Variants in ASAP2 observed in about 807,000 individuals in gnomAD.
ASAP2 encodes the protein arf-GAP with SH3 domain, ANK repeat and PH domain-containing protein 2.
Under a neutral mutation model 131.4 loss-of-function variants are expected in ASAP2, and 45 were observed. The ratio of observed to expected loss-of-function variants is 0.34; its 90% CI spans 0.27 to 0.44. The LOEUF is 0.44. Ranked by LOEUF, ASAP2 falls within the 20% of genes least tolerant of loss-of-function variation. The pLI is 1.00. For missense variants in ASAP2, 1,011 were observed against 1,297.0 expected, an observed-to-expected ratio of 0.78 and a Z score of 3.39; for synonymous variants, 510 against 503.0, an observed-to-expected ratio of 1.01 and a Z score of -0.19.
chr2:9,388,304 A>T lies in ASAP2; in HGVS notation c.2141A>T (p.Asn714Ile). 6.2e-7 allele frequency: 1 copy of T among 1,613,924 alleles called. No homozygotes were observed. The highest frequency in any genetic ancestry group is 8.5e-7 in the Non-Finnish European group (1 of 1,179,992). ...DMDEKLQPSP[N>I]RREDRPISFY... is the part of the protein sequence containing the mutation. Reference sequence around the variant, plus strand: ...AATGTTCTCCTGCAGCCCAGTCCCAACCGGCGGGAAGACCGGCCCATCAGC... The same window carrying T: ...AATGTTCTCCTGCAGCCCAGTCCCATCCGGCGGGAAGACCGGCCCATCAGC... The change falls in exon 22 of 28, where the codon AAC (asparagine) becomes ATC (isoleucine). Residue 714 changes from asparagine to isoleucine, a missense_variant. This residue lies in a region of ASAP2 where 652 missense variants were observed against 698.9 expected (regional missense o/e 0.93). Coordinates refer to ENST00000281419, the MANE Select transcript of ASAP2 (RefSeq NM_003887.3).
intron 15 of ASAP2, among the ~76,000 whole-genome samples, chr2:9,365,664 A>T (rs1195759622): frequency 1.3e-5 from 2 of 152,188 alleles, no homozygotes; most frequent in Non-Finnish European, 2.9e-5. Flanking sequence ...CCGTATGGTG[A>T]GTGCCAAGAA....
At chr2:9,315,699 G>A (rs1343225225) in intron 3 of ASAP2, among the ~76,000 whole-genome samples, 3 of 152,140 alleles carry the variant, frequency 2.0e-5, no homozygotes, top group Admixed American at 6.5e-5. Context: ...GCTTGCTGTC[G>A]TAGGTTACTC....
In ASAP2 at chr2:9,385,281, G is replaced by A. The variant is rs776163224; in HGVS notation, c.2053G>A (p.Val685Ile). The change falls in exon 21 of 28, where the codon GTT becomes ATT. Residue 685 changes from valine to isoleucine, a missense_variant. Val to Ile is a conservative substitution (Grantham distance 29, BLOSUM62 3). Coordinates refer to ENST00000281419, the MANE Select transcript of ASAP2 (RefSeq NM_003887.3). ...CTTATCTGGAAGATTTAATTCTCAC[G>A]TTCACGTTGAATATGAATGGCGACT... ...QALSGRFNSHVHVEYEWRLLH... is the reference protein window; with the variant it reads ...QALSGRFNSHIHVEYEWRLLH... The A allele has an allele frequency of 8.1e-6, 13 of 1,614,020 alleles. No homozygotes were observed. The highest frequency in any genetic ancestry group is 2.2e-5 in the South Asian group (2 of 91,086).
chr2:9,298,374 T>C lies in ASAP2; in HGVS notation c.345+929T>C, dbSNP rs911167818. Among the ~76,000 whole-genome samples the C allele has an allele frequency of 3.9e-5, 6 of 152,214 alleles. No individual in the cohort carries two copies. The South Asian group carries it at 1.0e-3, about 26-fold the overall frequency. On this transcript the variant is annotated intron_variant, in intron 3 of 27. Transcript: ENST00000281419. ...GGGAGCATCACATGTGAGTTCCTAA[T>C]GGGAAGGGGAAGAGCAGGAGCACTC... is the stretch of plus-strand genomic sequence containing the variant.
intron 3 of ASAP2, among the ~76,000 whole-genome samples, chr2:9,317,370 C>T (rs987312005): frequency 2.8e-5 from 4 of 143,372 alleles, no homozygotes; most frequent in Non-Finnish European, 6.2e-5. Flanking sequence ...TTCACATTCA[C>T]CCCCAACTCA....
intron 24 of ASAP2, 127 bp from the exon 25 acceptor site, chr2:9,399,896 G>C: frequency 1.1e-6 from 1 of 887,464 alleles, no homozygotes. Context: ...AGACAGCTAA[G>C]TGACAGTGGA....
In ASAP2 at chr2:9,311,948, G is replaced by A. The variant is rs1335431947; in HGVS notation, c.346-6576G>A. ...CAAGCAGGCTGATGTCCAGGAGTCT[G>A]GAAGCTTTATTAGTGAAGCCATCGA... is the stretch of plus-strand genomic sequence containing the variant. On this transcript the variant is annotated intron_variant, in intron 3 of 27. Coordinates refer to ENST00000281419, the MANE Select transcript of ASAP2 (RefSeq NM_003887.3). The surrounding 1 kb of genome is among the most constrained non-coding windows in gnomAD (Gnocchi z 5.2). Among the ~76,000 whole-genome samples the A allele has an allele frequency of 6.6e-6, 1 of 152,216 alleles. No homozygotes were observed. The highest frequency in any genetic ancestry group is 1.9e-4 in the East Asian group (1 of 5,204).
intron 16 of ASAP2, among the ~76,000 whole-genome samples, chr2:9,371,514 C>T (rs574324901): frequency 6.6e-6 from 1 of 152,318 alleles, no homozygotes; most frequent in South Asian, 2.1e-4. Context: ...AAAAGGAATA[C>T]ACTGCTTCTA....
intron 15 of ASAP2, among the ~76,000 whole-genome samples, chr2:9,366,516 A>G (rs1434865343): frequency 6.6e-6 from 1 of 152,174 alleles, no homozygotes; most frequent in African/African-American, 2.4e-5. Flanking sequence ...TCAGTCCTGG[A>G]TCTGACACCA....
intron 12 of ASAP2, among the ~76,000 whole-genome samples, chr2:9,351,562 C>T (rs1416548234): frequency 6.6e-6 from 1 of 152,128 alleles, no homozygotes; most frequent in Non-Finnish European, 1.5e-5. Context: ...GGGCCAGTCT[C>T]CCCTTTGAAG....
chr2:9,245,520 A>G (rs1212294021), intron 1 of ASAP2, among the ~76,000 whole-genome samples: 1 of 152,164 alleles, frequency 6.6e-6, no homozygotes, highest in African/African-American at 2.4e-5. Flanking sequence ...TGTAACCTAC[A>G]CTTAGTTTCT....
intron 1 of ASAP2, among the ~76,000 whole-genome samples, chr2:9,265,054 T>G (rs924156889): frequency 2.6e-5 from 4 of 152,152 alleles, no homozygotes; most frequent in African/African-American, 9.7e-5. Context: ...GAGGATCACT[T>G]GAGCCCGGGA....
chr2:9,361,978 T>C (rs1160799739), intron 15 of ASAP2, among the ~76,000 whole-genome samples: 3 of 122,856 alleles, frequency 2.4e-5, no homozygotes, highest in East Asian at 2.5e-4. Flanking sequence ...TCTCTGCGTG[T>C]GTGTGTGTGT....
chr2:9,250,944 G>A (rs541472513), intron 1 of ASAP2, among the ~76,000 whole-genome samples: 113 of 152,332 alleles, frequency 7.4e-4, no homozygotes, highest in Admixed American at 1.6e-3. Flanking sequence ...AACGAGGCGT[G>A]GTGAAAGTCA....
At chr2:9,325,104 A>G (rs970739684) in intron 6 of ASAP2, among the ~76,000 whole-genome samples, 2 of 152,268 alleles carry the variant, frequency 1.3e-5, no homozygotes, top group African/African-American at 4.8e-5. Context: ...AATTCTCAAG[A>G]TAAAGCCTTT....
At chr2:9,288,148 A>G (rs1667583475) in intron 2 of ASAP2, among the ~76,000 whole-genome samples, 1 of 152,054 alleles carries the variant, frequency 6.6e-6, no homozygotes, top group Admixed American at 6.6e-5. Flanking sequence ...TTTTGCATAC[A>G]CTGTTTGGGA....
intron 15 of ASAP2, among the ~76,000 whole-genome samples, chr2:9,364,272 C>A (rs1322505395): frequency 5.9e-5 from 9 of 152,098 alleles, no homozygotes; most frequent in African/African-American, 2.2e-4. Flanking sequence ...CTTTGGGAGG[C>A]TGAGGCAGGC....
intron 1 of ASAP2, among the ~76,000 whole-genome samples, chr2:9,261,625 C>T (rs569467953): frequency 6.6e-6 from 1 of 152,370 alleles, no homozygotes; most frequent in South Asian, 2.1e-4. Context: ...GTAGGCCTTT[C>T]TTTCCCTGGG....
intron 5 of ASAP2, among the ~76,000 whole-genome samples, chr2:9,321,794 G>A (rs1197784067): frequency 6.6e-6 from 1 of 152,090 alleles, no homozygotes; most frequent in Non-Finnish European, 1.5e-5. Flanking sequence ...GACACACATG[G>A]GTAGGATGGG....
Sources: gnomAD v4.1 joint callset for allele counts (sites outside exome capture counted in the v4.1 genomes callset) on GRCh38, gnomAD v4.1.1 for gene constraint, gnomAD v4.1.1 regional missense constraint, Gnocchi (gnomAD v3.1) non-coding constraint, MANE v1.5 for transcripts, NCBI Gene and HGNC (gene_info 2026-07-23, HGNC 2026-07-21) for gene names.